PARD3B: variants seen among roughly 807,000 people sequenced by gnomAD.
PARD3B encodes the protein par-3 family cell polarity regulator beta, also known as partitioning defective 3 homolog B.
PARD3B carries 103 observed loss-of-function variants against 130.2 expected under a neutral mutation model. The observed-to-expected ratio is 0.79, with a 90% CI of 0.67 to 0.93. PARD3B has a LOEUF of 0.93. Ranked by LOEUF, PARD3B falls within the 40% of genes least tolerant of loss-of-function variation. The probability of loss-of-function intolerance (pLI) is 0.00; values close to 1 mark genes in which losing one functional copy is unlikely to be tolerated. For synonymous variants in PARD3B, 583 were observed against 553.2 expected, an observed-to-expected ratio of 1.05 and a Z score of -0.76; for missense variants, 1,609 against 1,499.2, an observed-to-expected ratio of 1.07 and a Z score of -1.21.
At position 205,325,380 on chromosome 2, in the gene PARD3B, A is replaced by G. The variant is rs956643514; in HGVS notation, c.2630+23679A>G. Among the ~76,000 whole-genome samples the G allele has an allele frequency of 9.2e-5, 14 of 151,942 alleles. No individual in the cohort carries two copies. The highest frequency in any genetic ancestry group is 2.9e-4 in the African/African-American group (12 of 41,370). On this transcript the variant is annotated intron_variant, in intron 18 of 22. Transcript: ENST00000406610. The surrounding 1 kb of genome is among the most constrained non-coding windows in gnomAD (Gnocchi z 4.1). ...CCTGTGACTACAATGCCCTTTCCCC[A>G]TCCTTCAATCCACACTAACCCCGTG...
chr2:205,202,052 A>G (rs1404024807), intron 15 of PARD3B, among the ~76,000 whole-genome samples: 2 of 152,158 alleles, frequency 1.3e-5, no homozygotes, highest in Admixed American at 6.5e-5. Context: ...AAGACTTCAG[A>G]TAGTTTCCAG....
chr2:205,546,750 A>G (rs2052397524), intron 21 of PARD3B, among the ~76,000 whole-genome samples: 1 of 152,166 alleles, frequency 6.6e-6, no homozygotes. Flanking sequence ...TACCCAACAC[A>G]CTAATCTATA....
In PARD3B at chr2:205,351,231, T is replaced by C. The variant is rs1356357404; in HGVS notation, c.2630+49530T>C. 2.6e-5 allele frequency among the ~76,000 whole-genome samples: 4 copies of C among 152,230 alleles called. No individual in the cohort carries two copies. The East Asian group carries it at 7.7e-4, about 29-fold the overall frequency. ...CACCTTGCTGTCTCCCCACCACATTTATGATGTGAAACTAAATAAATACGG... is the reference window on the plus strand; with the variant it reads ...CACCTTGCTGTCTCCCCACCACATTCATGATGTGAAACTAAATAAATACGG... On this transcript the variant is annotated intron_variant, in intron 18 of 22. Transcript: ENST00000406610. The surrounding 1 kb of genome is among the most constrained non-coding windows in gnomAD (Gnocchi z 4.2).
At chr2:204,833,750 A>G (rs1327928914) in intron 2 of PARD3B, among the ~76,000 whole-genome samples, 3 of 152,122 alleles carry the variant, frequency 2.0e-5, no homozygotes, top group African/African-American at 7.2e-5. Flanking sequence ...CTGTGAGTCC[A>G]TTAGATCTCT....
At chr2:204,865,840 G>A (rs1487741455) in intron 2 of PARD3B, among the ~76,000 whole-genome samples, 1 of 152,218 alleles carries the variant, frequency 6.6e-6, no homozygotes, top group African/African-American at 2.4e-5. Flanking sequence ...GTATTTTAGA[G>A]TGGAAAGAGT....
chr2:205,324,483 T>G (rs1300516532), intron 18 of PARD3B, among the ~76,000 whole-genome samples: 1 of 152,134 alleles, frequency 6.6e-6, no homozygotes, highest in Non-Finnish European at 1.5e-5. Context: ...TGAAATTTCC[T>G]TTCTTGAAAG....
intron 1 of PARD3B, among the ~76,000 whole-genome samples, chr2:204,569,554 C>T (rs888008355): frequency 1.3e-5 from 2 of 152,128 alleles, no homozygotes; most frequent in Admixed American, 6.6e-5. Flanking sequence ...ATGGGCTAGG[C>T]GGTGTCCATT....
chr2:204,990,939 T>G (rs1423665850), intron 3 of PARD3B, among the ~76,000 whole-genome samples: 1 of 152,200 alleles, frequency 6.6e-6, no homozygotes, highest in African/African-American at 2.4e-5. Context: ...CGTGATCAAT[T>G]GTCAGGCATC....
At chr2:204,674,556 T>G (rs2036447734) in intron 1 of PARD3B, among the ~76,000 whole-genome samples, 1 of 152,088 alleles carries the variant, frequency 6.6e-6, no homozygotes, top group Non-Finnish European at 1.5e-5. Flanking sequence ...GGTAGGTGGT[T>G]GCAGTAAAGT....
chr2:205,162,974 T>C (rs781291873), intron 11 of PARD3B, among the ~76,000 whole-genome samples: 28 of 152,208 alleles, frequency 1.8e-4, no homozygotes, highest in Non-Finnish European at 3.4e-4. Context: ...AATTTTTACA[T>C]CTATGGACTA....
At chr2:204,637,398 A>G (rs776100857) in intron 1 of PARD3B, among the ~76,000 whole-genome samples, 6 of 152,190 alleles carry the variant, frequency 3.9e-5, no homozygotes, top group Non-Finnish European at 8.8e-5. Flanking sequence ...TTCCAGGTTT[A>G]ATATACCTCC....
rs869192541 is a variant in PARD3B, at chr2:205,052,419, GTA to G, written c.504+4760_504+4761del. ...GTCCATGTGTATTTTATATATATAT[GTA>G]TATATATATATATATATATATATAT... is the stretch of plus-strand genomic sequence containing the variant. On this transcript the variant is annotated intron_variant, in intron 4 of 22. Coordinates refer to ENST00000406610, the MANE Select transcript of PARD3B (RefSeq NM_001302769.2). Among the ~76,000 whole-genome samples, 348 of 39,764 alleles carry G rather than the reference GTA, an allele frequency of 8.8e-3. 2 individuals are homozygous for G. Among genetic ancestry groups the G allele is most frequent in the African/African-American group, 0.028 (306 of 10,784 alleles). 26.1% of individuals were successfully genotyped at this position (39,764 alleles called of 152,430 possible).
At chr2:205,318,832 C>T (rs993042551) in intron 18 of PARD3B, among the ~76,000 whole-genome samples, 1 of 152,114 alleles carries the variant, frequency 6.6e-6, no homozygotes, top group Non-Finnish European at 1.5e-5. Context: ...ATCTTAGTGT[C>T]AACAACAAGC....
chr2:204,720,455 A>G (rs2038940486), intron 2 of PARD3B, among the ~76,000 whole-genome samples: 1 of 152,204 alleles, frequency 6.6e-6, no homozygotes, highest in Admixed American at 6.5e-5. Context: ...AAAACTGCAT[A>G]TTGCTTAACA....
At chr2:204,563,236 T>C (rs1463939096) in intron 1 of PARD3B, among the ~76,000 whole-genome samples, 2 of 147,026 alleles carry the variant, frequency 1.4e-5, no homozygotes, top group African/African-American at 5.1e-5. Flanking sequence ...TCTCTCTCTC[T>C]CTCTCTCTCT....
At chr2:205,539,931 G>A (rs2106456309) in intron 21 of PARD3B, among the ~76,000 whole-genome samples, 1 of 152,304 alleles carries the variant, frequency 6.6e-6, no homozygotes, top group South Asian at 2.1e-4. Context: ...TAGTTCGAAA[G>A]TAACTCAGGA....
chr2:204,924,859 CT>C (rs1687473495), intron 2 of PARD3B, among the ~76,000 whole-genome samples: 1 of 152,024 alleles, frequency 6.6e-6, no homozygotes, highest in Admixed American at 6.6e-5. Flanking sequence ...TAAAAGACAA[CT>C]CTGCAAAAAC....
At chr2:204,718,990 G>T (rs1438403127) in intron 2 of PARD3B, among the ~76,000 whole-genome samples, 2 of 152,100 alleles carry the variant, frequency 1.3e-5, no homozygotes, top group Non-Finnish European at 2.9e-5. Context: ...CACATTGGTG[G>T]GATTTACAAC....
At chr2:204,816,242 G>A (rs1276054808) in intron 2 of PARD3B, among the ~76,000 whole-genome samples, 3 of 151,766 alleles carry the variant, frequency 2.0e-5, no homozygotes, top group South Asian at 2.1e-4. Context: ...TGTTATAAAC[G>A]TCAAACAACA....
Sources: allele counts gnomAD v4.1 joint callset (sites outside exome capture counted in the v4.1 genomes callset), GRCh38; gene constraint gnomAD v4.1.1; non-coding constraint Gnocchi (gnomAD v3.1); transcripts MANE v1.5; gene names NCBI Gene and HGNC (gene_info 2026-07-23, HGNC 2026-07-21).